The following DNAH14 variants were observed in gnomAD, a reference collection of about 807,000 sequenced individuals.
DNAH14 encodes the protein dynein axonemal heavy chain 14, also known as axonemal beta dynein heavy chain 14.
A neutral mutation model predicts 520.9 loss-of-function variants in DNAH14; 478 were observed. That is an observed-to-expected ratio of 0.92 (90% CI 0.85 to 0.99). The LOEUF (loss-of-function observed/expected upper bound fraction) is 0.99, where lower values mean the gene tolerates loss of function less well. Among genes scored for constraint, DNAH14 ranks in the 50% least tolerant of loss-of-function variants. The pLI is 0.00. For synonymous variants in DNAH14, 1,581 were observed against 1,757.2 expected (o/e 0.90, Z 2.51); for missense variants, 4,831 against 5,234.5 (o/e 0.92, Z 2.38).
chr1:225,313,144 T>G (rs7517919), intron 60 of DNAH14, among the ~76,000 whole-genome samples: 37,202 of 152,080 alleles, frequency 0.24, 4,777 homozygotes, highest in East Asian at 0.35. Context: ...TCTATTCAGG[T>G]ATTTGACTTC....
At chr1:224,944,518 AT>A (rs200680429) in intron 1 of DNAH14, among the ~76,000 whole-genome samples, 22,953 of 152,060 alleles carry the variant, frequency 0.15, 3,198 homozygotes, top group African/African-American at 0.36. Context: ...TTATGTGTGA[AT>A]TTTGATCCTG....
rs1238652677 is a variant in DNAH14, at chr1:225,085,616, C to T, written c.3400C>T (p.Leu1134=). The change falls in exon 21 of 86, where the codon CTA becomes TTA. Residue 1134 remains leucine, a synonymous_variant. Coordinates refer to ENST00000682510, the MANE Select transcript of DNAH14 (RefSeq NM_001367479.1). ...ATNEAALEKM[L]FKIIDFWNTT... is the part of the protein sequence containing the mutation. ...TAATGAAGCTGCTCTTGAAAAAATG[C>T]TATTTAAGATTATTGATTTTTGGAA... 2 of 1,550,946 alleles carry T rather than the reference C, an allele frequency of 1.3e-6. No individual in the cohort carries two copies. Among genetic ancestry groups the T allele is most frequent in the Admixed American group, 2.0e-5 (1 of 50,974 alleles).
chr1:225,055,511 TA>T, intron 17 of DNAH14, among the ~76,000 whole-genome samples: 1 of 151,730 alleles, frequency 6.6e-6, no homozygotes, highest in South Asian at 2.1e-4. Flanking sequence ...CAACCATAGC[TA>T]AATTATTTTT....
chr1:224,941,685 ACC>A (rs1357879081), intron 1 of DNAH14, among the ~76,000 whole-genome samples: 2 of 152,266 alleles, frequency 1.3e-5, no homozygotes, highest in South Asian at 2.1e-4. Context: ...TAATTTTTAT[ACC>A]AGGTGTAAGG....
At chr1:225,312,743 A>G (rs1464440255) in intron 60 of DNAH14, among the ~76,000 whole-genome samples, 2 of 152,338 alleles carry the variant, frequency 1.3e-5, no homozygotes, top group African/African-American at 4.8e-5. Flanking sequence ...GTGATGGATT[A>G]TGTTTATTGA....
At chr1:225,395,075 A>C (rs1178677580) in intron 84 of DNAH14, among the ~76,000 whole-genome samples, 1 of 152,178 alleles carries the variant, frequency 6.6e-6, no homozygotes, top group Non-Finnish European at 1.5e-5. Flanking sequence ...GAGTACATAG[A>C]ACTATCTGGA....
At chr1:225,366,258 G>A (rs2095551584) in intron 76 of DNAH14, among the ~76,000 whole-genome samples, 1 of 152,158 alleles carries the variant, frequency 6.6e-6, no homozygotes, top group African/African-American at 2.4e-5. Flanking sequence ...AGAAAGGAAG[G>A]TAATTTCACA....
At chr1:225,259,772 T>TA (rs1435230428) in intron 46 of DNAH14, among the ~76,000 whole-genome samples, 1 of 152,176 alleles carries the variant, frequency 6.6e-6, no homozygotes. Context: ...TTCTATGAGT[T>TA]AGACTTGTTT....
intron 34 of DNAH14, among the ~76,000 whole-genome samples, chr1:225,157,007 G>T (rs138125018): frequency 7.3e-5 from 8 of 109,336 alleles, no homozygotes; most frequent in African/African-American, 3.1e-4. Context: ...GAGCCACCGC[G>T]CCCGGCCTTA....
At chr1:225,272,854 T>A (rs1245401466) in intron 51 of DNAH14, 101 bp from the exon 52 acceptor site, 78 of 1,137,584 alleles carry the variant, frequency 6.9e-5, no homozygotes, top group Non-Finnish European at 9.0e-5. Context: ...GATAATTGCT[T>A]CTATTTTTAT....
intron 44 of DNAH14, 148 bp downstream of exon 44, chr1:225,252,565 C>T: frequency 3.9e-6 from 2 of 518,074 alleles, no homozygotes; most frequent in Non-Finnish European, 6.7e-6. Context: ...CAGTTTAGAT[C>T]TATGTTTACA....
At chr1:225,250,431 T>A (rs1558156249) in intron 43 of DNAH14, among the ~76,000 whole-genome samples, 1 of 152,218 alleles carries the variant, frequency 6.6e-6, no homozygotes, top group African/African-American at 2.4e-5. Context: ...CTGTACAGAC[T>A]GTAAGCTAAG....
chr1:225,105,924 T>C (rs1409842628), intron 23 of DNAH14, among the ~76,000 whole-genome samples: 1 of 146,798 alleles, frequency 6.8e-6, no homozygotes, highest in African/African-American at 2.7e-5. Flanking sequence ...TTCAATTCTG[T>C]TATTATGATG....
Position 225,043,959 on chromosome 1 carries a change from T to C in DNAH14, c.1888T>C (p.Leu630=), listed in dbSNP as rs1485470409. 2 of 1,504,722 alleles carry C rather than the reference T, an allele frequency of 1.3e-6. No homozygotes were observed. The highest frequency in any genetic ancestry group is 1.8e-6 in the Non-Finnish European group (2 of 1,111,204). 93.2% of individuals were successfully genotyped at this position (1,504,722 alleles called of 1,614,324 possible). Residue 630 remains leucine (L), a synonymous_variant, in exon 15 of 86, where the codon TTG becomes CTG. Coordinates refer to ENST00000682510, the MANE Select transcript of DNAH14 (RefSeq NM_001367479.1). ...GTTTTCAGTAAAAATTCAAAATATGTTGACTAATATGGAAAAATGTATAAG... is the reference window on the plus strand; with the variant it reads ...GTTTTCAGTAAAAATTCAAAATATGCTGACTAATATGGAAAAATGTATAAG... ...LEFSVKIQNM[L]TNMEKCITTI... is the part of the protein sequence containing the mutation.
At chr1:224,940,914 A>G (rs1174953346) in intron 1 of DNAH14, among the ~76,000 whole-genome samples, 1 of 152,104 alleles carries the variant, frequency 6.6e-6, no homozygotes, top group East Asian at 1.9e-4. Context: ...AATCCAGTCT[A>G]TCATTGTTGG....
chr1:225,231,774 A>G (rs2091141359), intron 42 of DNAH14, among the ~76,000 whole-genome samples: 1 of 152,244 alleles, frequency 6.6e-6, no homozygotes, highest in South Asian at 2.1e-4. Context: ...ATTCTAACCC[A>G]AACCTCCATC....
chr1:225,078,965 C>T (rs879249397), intron 17 of DNAH14, among the ~76,000 whole-genome samples: 1 of 151,380 alleles, frequency 6.6e-6, no homozygotes, highest in South Asian at 2.1e-4. Flanking sequence ...TGTAGATTTC[C>T]TGAGGCCTCC....
At chr1:225,276,518 C>T (rs2093472070) in intron 53 of DNAH14, among the ~76,000 whole-genome samples, 1 of 152,160 alleles carries the variant, frequency 6.6e-6, no homozygotes, top group African/African-American at 2.4e-5. Flanking sequence ...GGAACAGAGA[C>T]ACCAACAAAA....
In DNAH14 at chr1:225,290,641, GTGTGTGTATATATATATATATATATA is replaced by G. The variant is rs1199040054; in HGVS notation, c.8469+561_8469+586del. Among the ~76,000 whole-genome samples, 139 of 91,242 alleles carry G rather than the reference GTGTGTGTATATATATATATATATATA, an allele frequency of 1.5e-3. 9 individuals are homozygous for G. Among genetic ancestry groups the G allele is most frequent in the African/African-American group, 3.3e-3 (83 of 24,832 alleles). The allele number at this position is 91,242 out of a possible 152,430, so 59.9% of individuals were successfully genotyped here. On this transcript the variant is annotated intron_variant, in intron 55 of 85. Transcript: ENST00000682510. ...TGTGTGTATAGATATATGTGTGTGT[GTGTGTGTATATATATATATATATATA>G]TATATATATATATATATATATATAT... is the stretch of plus-strand genomic sequence containing the variant.
Sources: allele counts gnomAD v4.1 joint callset (sites outside exome capture counted in the v4.1 genomes callset), GRCh38; gene constraint gnomAD v4.1.1; transcripts MANE v1.5; gene names NCBI Gene and HGNC (gene_info 2026-07-23, HGNC 2026-07-21).